ADAM10: variants seen among roughly 807,000 people sequenced by gnomAD.
ADAM10 encodes the protein disintegrin and metalloproteinase domain-containing protein 10.
In ADAM10, 17 loss-of-function variants were observed where a neutral mutation model predicts 90.1. The observed-to-expected ratio is 0.19, with a 90% CI of 0.13 to 0.28. The LOEUF is 0.28. Ranked by LOEUF, ADAM10 falls within the 10% of genes least tolerant of loss-of-function variation. The probability of loss-of-function intolerance (pLI) is 1.00; values close to 1 mark genes in which losing one functional copy is unlikely to be tolerated. For missense variants in ADAM10, 610 were observed against 914.3 expected, an observed-to-expected ratio of 0.67 and a Z score of 4.29; for synonymous variants, 310 against 298.6, an observed-to-expected ratio of 1.04 and a Z score of -0.40.
chr15:58,720,161 C>T (rs1172642235), intron 1 of ADAM10, among the ~76,000 whole-genome samples: 1 of 152,062 alleles, frequency 6.6e-6, no homozygotes, highest in African/African-American at 2.4e-5. Flanking sequence ...CAATGCCTAC[C>T]TTAAATGCAT....
chr15:58,682,218 A>G lies in ADAM10; in HGVS notation c.303T>C (p.His101=). ...SNKVLDYDTS[H]IYTGHIYGEE... ...TACCATAAATATGTCCAGTGTAAAT[A>G]TGAGAGGTATCATAATCAAGTACTT... The change falls in exon 3 of 16, where the codon CAT becomes CAC. Residue 101 remains histidine (H), a synonymous_variant. Coordinates refer to ENST00000260408, the MANE Select transcript of ADAM10 (RefSeq NM_001110.4). 6.2e-7 allele frequency: 1 copy of G among 1,612,914 alleles called. No individual in the cohort carries two copies. The highest frequency in any genetic ancestry group is 1.1e-5 in the South Asian group (1 of 91,026).
chr15:58,689,567 C>T (rs1897716738), intron 2 of ADAM10, among the ~76,000 whole-genome samples: 1 of 151,688 alleles, frequency 6.6e-6, no homozygotes, highest in South Asian at 2.1e-4. Context: ...CAATGTCAAT[C>T]CAAATTCTAC....
chr15:58,642,217 A>C (rs186886393), intron 7 of ADAM10, among the ~76,000 whole-genome samples: 227 of 152,358 alleles, frequency 1.5e-3, no homozygotes, highest in Non-Finnish European at 1.9e-3. Context: ...CTGTAATCCC[A>C]GCACTTTGGG....
intron 2 of ADAM10, among the ~76,000 whole-genome samples, chr15:58,708,033 C>G (rs528679936): frequency 6.6e-6 from 1 of 151,584 alleles, no homozygotes; most frequent in African/African-American, 2.4e-5. Flanking sequence ...GTGAAGATCG[C>G]GCCACTGTAC....
intron 14 of ADAM10, 39 bp from the exon 15 acceptor site, chr15:58,599,763 C>T: frequency 2.1e-6 from 3 of 1,442,974 alleles, no homozygotes; most frequent in Non-Finnish European, 2.9e-6. Flanking sequence ...AAAAAAAAAA[C>T]TACAAAATAT....
intron 2 of ADAM10, among the ~76,000 whole-genome samples, chr15:58,714,963 A>G (rs957120203): frequency 6.6e-6 from 1 of 152,210 alleles, no homozygotes. Flanking sequence ...ATTTTTAAGT[A>G]AAGTATTTTA....
intron 2 of ADAM10, among the ~76,000 whole-genome samples, chr15:58,713,998 G>A (rs1898565190): frequency 6.6e-6 from 1 of 151,868 alleles, no homozygotes; most frequent in South Asian, 2.1e-4. Flanking sequence ...TAGAGACGGG[G>A]TTACACCATG....
intron 12 of ADAM10, chr15:58,611,561 C>G: frequency 2.2e-6 from 1 of 457,700 alleles, no homozygotes; most frequent in Non-Finnish European, 3.9e-6. Context: ...ATATTATAGA[C>G]AAATCACATG....
intron 1 of ADAM10, among the ~76,000 whole-genome samples, chr15:58,744,228 T>C (rs1454716796): frequency 2.1e-5 from 3 of 141,044 alleles, no homozygotes; most frequent in African/African-American, 8.2e-5. Flanking sequence ...AGCCAAGCTA[T>C]ACATATTGAA....
intron 1 of ADAM10, among the ~76,000 whole-genome samples, chr15:58,745,420 TG>T (rs1164217483): frequency 6.6e-6 from 1 of 152,160 alleles, no homozygotes; most frequent in Non-Finnish European, 1.5e-5. Flanking sequence ...GAAAAAGAAA[TG>T]GTTTCTTACT....
chr15:58,720,841 G>C (rs1031017220), intron 1 of ADAM10, among the ~76,000 whole-genome samples: 2 of 152,310 alleles, frequency 1.3e-5, no homozygotes, highest in South Asian at 4.1e-4. Context: ...GGAAGAATGA[G>C]AACTTTTGAA....
intron 5 of ADAM10, among the ~76,000 whole-genome samples, chr15:58,657,512 T>C (rs1324118456): frequency 4.4e-4 from 67 of 152,252 alleles, no homozygotes; most frequent in Admixed American, 4.3e-3. Flanking sequence ...AAGTGCATTT[T>C]TCAACTCTAG....
chr15:58,603,770 G>A lies in ADAM10; in HGVS notation c.2026-4046C>T, dbSNP rs1029938136. Reference sequence around the variant, plus strand: ...TGAGCACACGATAAAGTACAGCAAAGTGTATATGATTCCACCTTTTTAAAA... The same window carrying A: ...TGAGCACACGATAAAGTACAGCAAAATGTATATGATTCCACCTTTTTAAAA... On this transcript the variant is annotated intron_variant, in intron 14 of 15. Transcript: ENST00000260408. Among the ~76,000 whole-genome samples the A allele has an allele frequency of 3.4e-5, 5 of 149,202 alleles. 1 individual carries two copies. In the South Asian group the frequency reaches 1.1e-3, roughly 32 times the overall value.
chr15:58,739,041 G>A (rs1035162681), intron 1 of ADAM10, among the ~76,000 whole-genome samples: 10 of 151,914 alleles, frequency 6.6e-5, no homozygotes, highest in African/African-American at 1.4e-4. Context: ...CAAAACATCC[G>A]CCACTGCCCC....
chr15:58,725,168 C>A (rs974716404), intron 1 of ADAM10, among the ~76,000 whole-genome samples: 17 of 151,984 alleles, frequency 1.1e-4, no homozygotes, highest in African/African-American at 3.6e-4. Flanking sequence ...CCAGCCTGGG[C>A]AACAGAGCAA....
At chr15:58,622,420 G>A (rs1188294152) in intron 10 of ADAM10, among the ~76,000 whole-genome samples, 1 of 152,032 alleles carries the variant, frequency 6.6e-6, no homozygotes, top group Non-Finnish European at 1.5e-5. Flanking sequence ...GGTCTCTTAT[G>A]TTCTTTTAAC....
intron 5 of ADAM10, among the ~76,000 whole-genome samples, chr15:58,654,907 A>T (rs1170255897): frequency 2.6e-5 from 4 of 152,190 alleles, no homozygotes; most frequent in Admixed American, 6.5e-5. Context: ...TTTTACAACC[A>T]AACATATGGT....
At chr15:58,722,748 T>G (rs1452980080) in intron 1 of ADAM10, among the ~76,000 whole-genome samples, 1 of 150,396 alleles carries the variant, frequency 6.6e-6, no homozygotes, top group South Asian at 2.1e-4. Flanking sequence ...TTTTTTTTTT[T>G]TGAGACAAGG....
Position 58,595,872 on chromosome 15 carries a change from A to G in ADAM10, c.*1675T>C, listed in dbSNP as rs1392400205. On this transcript the variant is annotated 3_prime_UTR_variant, in exon 16 of 16. Coordinates refer to ENST00000260408, the MANE Select transcript of ADAM10 (RefSeq NM_001110.4). ...ATGATTTAAAAGCAATTACATACAT[A>G]TCTACCTACTTGTTTGTTTAGAATT... 2.6e-5 allele frequency: 4 copies of G among 152,156 alleles called. No individual in the cohort carries two copies. Among genetic ancestry groups the G allele is most frequent in the African/African-American group, 9.7e-5 (4 of 41,446 alleles). 9.4% of individuals were successfully genotyped at this position (152,156 alleles called of 1,614,324 possible). A position where few individuals can be genotyped will look rare whatever the true frequency, so the allele number is the denominator to read the frequency against.
Sources: gnomAD v4.1 joint callset for allele counts (sites outside exome capture counted in the v4.1 genomes callset) on GRCh38, gnomAD v4.1.1 for gene constraint, MANE v1.5 for transcripts, NCBI Gene and HGNC (gene_info 2026-07-23, HGNC 2026-07-21) for gene names.